TAOK3: variants seen among roughly 807,000 people sequenced by gnomAD.
TAOK3 encodes the protein serine/threonine-protein kinase TAO3.
In TAOK3, 40 loss-of-function variants were observed where a neutral mutation model predicts 120.4. That is an observed-to-expected ratio of 0.33 (90% confidence interval 0.26 to 0.43). The LOEUF (loss-of-function observed/expected upper bound fraction) is 0.43. TAOK3 is among the 20% of genes least tolerant of loss of function. TAOK3 has a pLI of 1.00. For synonymous variants in TAOK3, 355 were observed against 387.5 expected (o/e 0.92, Z 0.99); for missense variants, 821 against 1,112.1 (o/e 0.74, Z 3.72).
chr12:118,306,119 G>T (rs1023504195), intron 1 of TAOK3, among the ~76,000 whole-genome samples: 7 of 151,954 alleles, frequency 4.6e-5, no homozygotes, highest in Non-Finnish European at 8.8e-5. Context: ...CTTAAAGCTC[G>T]ACCACTGCTG....
At chr12:118,213,962 T>C (rs1319599496) in intron 10 of TAOK3, 55 bp downstream of exon 10, 2 of 1,437,318 alleles carry the variant, frequency 1.4e-6, no homozygotes, top group African/African-American at 1.4e-5. Context: ...GTAATAAAAA[T>C]GTCAAATACA....
chr12:118,247,039 T>C, intron 3 of TAOK3: 2 of 686,070 alleles, frequency 2.9e-6, no homozygotes, highest in Non-Finnish European at 4.7e-6. Flanking sequence ...CCAGAATATA[T>C]ATCAGTGATA....
At chr12:118,266,262 G>A (rs878957314) in intron 2 of TAOK3, among the ~76,000 whole-genome samples, 8 of 152,010 alleles carry the variant, frequency 5.3e-5, no homozygotes, top group Non-Finnish European at 8.8e-5. Context: ...GCACGATCTC[G>A]GCTCACCGCA....
At chr12:118,212,354 T>C (rs1232225454) in intron 11 of TAOK3, among the ~76,000 whole-genome samples, 1 of 152,260 alleles carries the variant, frequency 6.6e-6, no homozygotes, top group East Asian at 1.9e-4. Flanking sequence ...TGCCTATGTA[T>C]AAAGTCTACA....
At chr12:118,364,775 G>A (rs1412916617) in intron 1 of TAOK3, among the ~76,000 whole-genome samples, 1 of 152,070 alleles carries the variant, frequency 6.6e-6, no homozygotes, top group Non-Finnish European at 1.5e-5. Context: ...CATGGTGGCG[G>A]GTGCCTGTAA....
At chr12:118,352,246 C>A in intron 1 of TAOK3, among the ~76,000 whole-genome samples, 1 of 151,882 alleles carries the variant, frequency 6.6e-6, no homozygotes, top group Non-Finnish European at 1.5e-5. Flanking sequence ...GGCTATATCA[C>A]TTTAATAGCA....
At chr12:118,170,647 C>T (rs763392609) in intron 17 of TAOK3, among the ~76,000 whole-genome samples, 16 of 152,156 alleles carry the variant, frequency 1.1e-4, no homozygotes, top group Non-Finnish European at 2.4e-4. Flanking sequence ...CCCGTAATCC[C>T]AGCTACCTGG....
At chr12:118,363,018 C>CAAAAAAAAAAAA (rs60475060) in intron 1 of TAOK3, among the ~76,000 whole-genome samples, 89 of 45,888 alleles carry the variant, frequency 1.9e-3, no homozygotes, top group Middle Eastern at 0.029. Context: ...GACTCCGTAT[C>CAAAAAAAAAAAA]AAAAAAAAAA....
intron 1 of TAOK3, among the ~76,000 whole-genome samples, chr12:118,339,467 A>G (rs752435086): frequency 6.6e-6 from 1 of 151,762 alleles, no homozygotes; most frequent in Non-Finnish European, 1.5e-5. Context: ...AGTCTTCAAA[A>G]CTACTCTCCT....
At chr12:118,256,604 A>G (rs1351163292) in intron 2 of TAOK3, among the ~76,000 whole-genome samples, 3 of 152,226 alleles carry the variant, frequency 2.0e-5, no homozygotes, top group African/African-American at 7.2e-5. Context: ...TGGCTGCAAC[A>G]TGAATGAACC....
rs930069551 is a variant in TAOK3, at chr12:118,316,161, A to G, written c.-193-49402T>C. Among the ~76,000 whole-genome samples the G allele has an allele frequency of 2.0e-5, 3 of 152,308 alleles. No individual in the cohort carries two copies. In the East Asian group the frequency reaches 5.8e-4, roughly 29 times the overall value. ...TGTTTCTGCCTTCTTAAATAAATTT[A>G]TGTGCAGTGTCTGGTTTAAAAATGT... On this transcript the variant is annotated intron_variant, in intron 1 of 20. Transcript: ENST00000392533.
At position 118,238,091 on chromosome 12, in the gene TAOK3, G is replaced by T; in HGVS notation, c.419C>A (p.Ser140Tyr). Residue 140 changes from serine to tyrosine, a missense_variant, in exon 7 of 21, where the codon TCT (serine) becomes TAT (tyrosine). This residue lies in a region of TAOK3 where 467 missense variants were observed against 540.0 expected (regional missense o/e 0.86). Coordinates refer to ENST00000392533, the MANE Select transcript of TAOK3 (RefSeq NM_016281.4). ...ATCTTACCTATGAATCAATGCATGAGAATGTAGGTAGGCTAGTCCATGCAA... is the reference window on the plus strand; with the variant it reads ...ATCTTACCTATGAATCAATGCATGATAATGTAGGTAGGCTAGTCCATGCAA... ...GALHGLAYLH[S>Y]HALIHRDIKA... 6.2e-7 allele frequency: 1 copy of T among 1,604,238 alleles called. No homozygotes were observed.
At chr12:118,173,217 G>A (rs2036112959) in intron 16 of TAOK3, among the ~76,000 whole-genome samples, 1 of 152,216 alleles carries the variant, frequency 6.6e-6, no homozygotes, top group East Asian at 1.9e-4. Flanking sequence ...CAAAACCCTA[G>A]GGGTTGGAGA....
chr12:118,192,077 A>T (rs1341462348), intron 13 of TAOK3, among the ~76,000 whole-genome samples: 1 of 152,212 alleles, frequency 6.6e-6, no homozygotes, highest in African/African-American at 2.4e-5. Context: ...AAATTTATTC[A>T]TGTACAAATA....
intron 2 of TAOK3, among the ~76,000 whole-genome samples, chr12:118,264,257 T>A (rs922078837): frequency 6.6e-6 from 1 of 152,222 alleles, no homozygotes; most frequent in African/African-American, 2.4e-5. Context: ...TGAAAGCTTA[T>A]GTCAATACAA....
intron 1 of TAOK3, among the ~76,000 whole-genome samples, chr12:118,315,211 C>A (rs1231747032): frequency 6.6e-6 from 1 of 152,112 alleles, no homozygotes; most frequent in African/African-American, 2.4e-5. Context: ...AGGCGTGAGC[C>A]ACCACACCCA....
At chr12:118,367,959 T>C (rs999291524) in intron 1 of TAOK3, among the ~76,000 whole-genome samples, 1 of 152,136 alleles carries the variant, frequency 6.6e-6, no homozygotes, top group African/African-American at 2.4e-5. Flanking sequence ...TTTATTCAGG[T>C]TGGCTTAAAC....
chr12:118,213,049 G>T, intron 10 of TAOK3, 54 bp from the exon 11 acceptor site: 3 of 1,169,644 alleles, frequency 2.6e-6, no homozygotes, highest in South Asian at 3.7e-5. Context: ...AGAGCACACT[G>T]ATTACTTAAA....
chr12:118,269,264 C>T (rs1265918636), intron 1 of TAOK3, among the ~76,000 whole-genome samples: 4 of 151,790 alleles, frequency 2.6e-5, no homozygotes, highest in South Asian at 2.1e-4. Context: ...CAGGTTCAAA[C>T]GATTCTCATG....
Sources: gnomAD v4.1 joint callset for allele counts (sites outside exome capture counted in the v4.1 genomes callset) on GRCh38, gnomAD v4.1.1 for gene constraint, gnomAD v4.1.1 regional missense constraint, MANE v1.5 for transcripts, NCBI Gene and HGNC (gene_info 2026-07-23, HGNC 2026-07-21) for gene names.